The following TTC8 variants were observed in gnomAD, a reference collection of about 807,000 sequenced individuals.
TTC8 encodes the protein tetratricopeptide repeat domain 8.
TTC8 carries 47 observed loss-of-function variants against 72.5 expected under a neutral mutation model. The observed-to-expected ratio is 0.65, with a 90% confidence interval of 0.51 to 0.83. The LOEUF (loss-of-function observed/expected upper bound fraction) is 0.83. TTC8 is among the 40% of genes least tolerant of loss of function. The pLI is 0.00. For synonymous variants in TTC8, 199 were observed against 221.4 expected, an observed-to-expected ratio of 0.90 and a Z score of 0.90; for missense variants, 611 against 623.2, an observed-to-expected ratio of 0.98 and a Z score of 0.21.
chr14:88,880,153 A>G (rs1017555497), downstream of TTC8: 1 of 152,184 alleles, frequency 6.6e-6, no homozygotes, highest in African/African-American at 2.4e-5. Flanking sequence ...GCCATCACCA[A>G]ATAATTTTGT....
At chr14:88,857,447 G>A (rs2094862014) in intron 9 of TTC8, among the ~76,000 whole-genome samples, 170 bp downstream of exon 9, 1 of 151,962 alleles carries the variant, frequency 6.6e-6, no homozygotes, top group Non-Finnish European at 1.5e-5. Context: ...ACGTATAGAG[G>A]GTAACTGTCT....
intron 13 of TTC8, 120 bp downstream of exon 13, chr14:88,872,572 A>T: frequency 1.4e-6 from 2 of 1,412,486 alleles, no homozygotes; most frequent in Non-Finnish European, 1.9e-6. Context: ...ACAGGCGTGG[A>T]TTTGAATCCC....
intron 1 of TTC8, among the ~76,000 whole-genome samples, chr14:88,828,597 C>G (rs779591320): frequency 2.0e-5 from 3 of 152,132 alleles, no homozygotes; most frequent in Non-Finnish European, 2.9e-5. Flanking sequence ...TTTGCTCTTA[C>G]GTTTTCCCCT....
chr14:88,877,395 T>C lies in TTC8; in HGVS notation c.1533T>C (p.His511=). The change falls in exon 15 of 15, where the codon CAT becomes CAC. Residue 511 remains histidine (H), a synonymous_variant. Coordinates refer to ENST00000380656, the MANE Select transcript of TTC8 (RefSeq NM_144596.4). ...TQHLIKQLRQ[H]FAML is the part of the protein sequence containing the mutation. ...ATTTAATTAAACAATTAAGGCAGCA[T>C]TTTGCTATGCTCTGATTGTTCCTTA... The C allele has an allele frequency of 6.2e-7, 1 of 1,613,436 alleles. No individual in the cohort carries two copies.
At position 88,872,342 on chromosome 14, in the gene TTC8, A is replaced by C. The variant is rs2094937906; in HGVS notation, c.1237A>C (p.Thr413Pro). ...LGHVAVGIGD[T>P]NLAHQCFRLA... The stretch of plus-strand genomic sequence containing the variant: ...CTTTCTTTTGTAGGGAATAGGAGAT[A>C]CAAATTTGGCCCATCAGTGCTTCAG... Residue 413 changes from threonine (T) to proline (P), a missense_variant, in exon 13 of 15, where the codon ACA becomes CCA. Thr to Pro is a conservative substitution (Grantham distance 38). Coordinates refer to ENST00000380656, the MANE Select transcript of TTC8 (RefSeq NM_144596.4). The C allele has an allele frequency of 1.2e-6, 2 of 1,613,440 alleles. No homozygotes were observed. Among genetic ancestry groups the C allele is most frequent in the African/African-American group, 1.3e-5 (1 of 74,896 alleles).
intron 1 of TTC8, among the ~76,000 whole-genome samples, chr14:88,825,540 A>G (rs1224673559): frequency 6.6e-6 from 1 of 152,232 alleles, no homozygotes; most frequent in African/African-American, 2.4e-5. Context: ...TATACAATGT[A>G]CGTGAGCGGT....
intron 2 of TTC8, among the ~76,000 whole-genome samples, chr14:88,835,779 TG>T (rs1359105414): frequency 2.0e-5 from 3 of 152,162 alleles, no homozygotes; most frequent in East Asian, 1.9e-4. Flanking sequence ...TTTTTTGGTT[TG>T]TTTTTTTAAA....
At chr14:88,842,253 G>A (rs762877341) in intron 6 of TTC8, among the ~76,000 whole-genome samples, 17 of 152,104 alleles carry the variant, frequency 1.1e-4, no homozygotes, top group Non-Finnish European at 7.4e-5. Context: ...CATAAGTGCT[G>A]AGCTCATTCC....
chr14:88,869,642 C>T (rs2094925284), intron 10 of TTC8, among the ~76,000 whole-genome samples: 1 of 152,140 alleles, frequency 6.6e-6, no homozygotes, highest in African/African-American at 2.4e-5. Flanking sequence ...CCCTCTCAGG[C>T]TCATACATTT....
At chr14:88,870,763 C>A (rs1324546648) in intron 11 of TTC8, among the ~76,000 whole-genome samples, 1 of 152,118 alleles carries the variant, frequency 6.6e-6, no homozygotes, top group Non-Finnish European at 1.5e-5. Context: ...TCCTCCTTAG[C>A]CCTTGGGTAA....
At position 88,839,441 on chromosome 14, in the gene TTC8, A is replaced by G; in HGVS notation, c.145-11A>G. 6.2e-7 allele frequency: 1 copy of G among 1,612,622 alleles called. No individual in the cohort carries two copies. Among genetic ancestry groups the G allele is most frequent in the Non-Finnish European group, 8.5e-7 (1 of 1,179,118 alleles). The stretch of plus-strand genomic sequence containing the variant: ...ATTTTAATATATGTTTTATTTATCC[A>G]TGGGTTTTAGGCAGCTTGGATCTTA... On this transcript the variant is annotated splice_polypyrimidine_tract_variant and intron_variant, in intron 2 of 14. Coordinates refer to ENST00000380656, the MANE Select transcript of TTC8 (RefSeq NM_144596.4).
chr14:88,878,011 GTTTT>G (rs1555395626), downstream of TTC8: 1 of 151,946 alleles, frequency 6.6e-6, no homozygotes, highest in Non-Finnish European at 1.5e-5. Flanking sequence ...TTTTTAATGA[GTTTT>G]TATTTTAGTC....
chr14:88,874,174 G>A (rs2094947176), intron 13 of TTC8, among the ~76,000 whole-genome samples: 1 of 152,060 alleles, frequency 6.6e-6, no homozygotes, highest in African/African-American at 2.4e-5. Flanking sequence ...GACTTGAAAT[G>A]TTTTGGTGAA....
In TTC8 at chr14:88,839,476, G is replaced by T. The variant is rs1399211908; in HGVS notation, c.169G>T (p.Ala57Ser). 1.2e-6 allele frequency: 2 copies of T among 1,612,922 alleles called. No individual in the cohort carries two copies. The highest frequency in any genetic ancestry group is 2.7e-5 in the African/African-American group (2 of 74,826). ...HQAAWILKAR[A>S]LTEMVYIDEI... ...GGCAGCTTGGATCTTAAAAGCAAGA[G>T]CGCTAACAGAAATGGTATACATAGA... Residue 57 changes from alanine (A) to serine (S), a missense_variant, in exon 3 of 15, where the codon GCG becomes TCG. Ala to Ser is a moderately conservative substitution (Grantham distance 99). Transcript: ENST00000380656.
At chr14:88,877,166 T>TAA in intron 14 of TTC8, 128 bp from the exon 15 acceptor site, 5 of 620,250 alleles carry the variant, frequency 8.1e-6, no homozygotes, top group Non-Finnish European at 8.3e-6. Flanking sequence ...GTGGGTTTGT[T>TAA]AAAAAAAAAA....
intron 1 of TTC8, among the ~76,000 whole-genome samples, chr14:88,829,172 T>C (rs962151728): frequency 3.9e-5 from 6 of 152,160 alleles, no homozygotes; most frequent in African/African-American, 1.4e-4. Flanking sequence ...CTGTTAAGAA[T>C]AAAGAAAGAA....
At chr14:88,851,558 A>G (rs1449528862) in intron 7 of TTC8, among the ~76,000 whole-genome samples, 2 of 152,206 alleles carry the variant, frequency 1.3e-5, no homozygotes, top group African/African-American at 4.8e-5. Flanking sequence ...ATAAAGATCA[A>G]CTTAAAATGT....
chr14:88,866,419 A>G (rs2094909892), intron 10 of TTC8, among the ~76,000 whole-genome samples: 1 of 151,070 alleles, frequency 6.6e-6, no homozygotes, highest in Non-Finnish European at 1.5e-5. Flanking sequence ...ACACACGCAC[A>G]CACAAATTCT....
chr14:88,832,487 T>C (rs1307136097), intron 1 of TTC8, among the ~76,000 whole-genome samples: 2 of 152,206 alleles, frequency 1.3e-5, no homozygotes, highest in Non-Finnish European at 2.9e-5. Context: ...TCTTTTTTTT[T>C]TAATCTCCAA....
Sources: gnomAD v4.1 joint callset for allele counts (sites outside exome capture counted in the v4.1 genomes callset) on GRCh38, gnomAD v4.1.1 for gene constraint, MANE v1.5 for transcripts, NCBI Gene and HGNC (gene_info 2026-07-23, HGNC 2026-07-21) for gene names.